AGBL4: variants seen among roughly 807,000 people sequenced by gnomAD.
The protein encoded by AGBL4 is cytosolic carboxypeptidase 6.
Under a neutral mutation model 66.4 loss-of-function variants are expected in AGBL4, and 58 were observed. The observed-to-expected ratio is 0.87, with a 90% CI of 0.71 to 1.09. The LOEUF is 1.09. Ranked by LOEUF, AGBL4 falls within the 50% of genes least tolerant of loss-of-function variation. The probability of loss-of-function intolerance (pLI) is 0.00; values close to 1 mark genes in which losing one functional copy is unlikely to be tolerated. For missense variants in AGBL4, 579 were observed against 631.0 expected, an observed-to-expected ratio of 0.92 and a Z score of 0.88; for synonymous variants, 234 against 222.9, an observed-to-expected ratio of 1.05 and a Z score of -0.44.
chr1:48,782,911 TC>T (rs1280864827), intron 6 of AGBL4, among the ~76,000 whole-genome samples: 2 of 152,210 alleles, frequency 1.3e-5, no homozygotes, highest in African/African-American at 4.8e-5. Flanking sequence ...TCCTCTGTGT[TC>T]CACCTATTTA....
chr1:48,862,691 C>G (rs1027146786), intron 6 of AGBL4, among the ~76,000 whole-genome samples: 1 of 152,202 alleles, frequency 6.6e-6, no homozygotes, highest in African/African-American at 2.4e-5. Context: ...GTGACTGAAC[C>G]TGCATTTTGG....
intron 4 of AGBL4, among the ~76,000 whole-genome samples, chr1:49,138,483 C>T (rs1557672607): frequency 1.3e-5 from 2 of 152,086 alleles, no homozygotes; most frequent in Non-Finnish European, 2.9e-5. Flanking sequence ...CCAATTTGTT[C>T]CTTAACCCAC....
intron 3 of AGBL4, among the ~76,000 whole-genome samples, chr1:49,578,096 T>C (rs1483970391): frequency 1.3e-5 from 2 of 152,140 alleles, no homozygotes; most frequent in African/African-American, 4.8e-5. Context: ...CAACAACAAT[T>C]CCATTAAACT....
chr1:49,005,546 C>T (rs933160830), intron 5 of AGBL4, among the ~76,000 whole-genome samples: 1 of 152,018 alleles, frequency 6.6e-6, no homozygotes, highest in African/African-American at 2.4e-5. Context: ...TTCAAGTAAC[C>T]CTTATTTTAC....
At position 49,296,402 on chromosome 1, in the gene AGBL4, C is replaced by A. The variant is rs192853633; in HGVS notation, c.283-50538G>T. Among the ~76,000 whole-genome samples the A allele has an allele frequency of 4.6e-5, 7 of 152,228 alleles. 1 individual carries two copies. Among genetic ancestry groups the A allele is most frequent in the Admixed American group, 3.9e-4 (6 of 15,290 alleles). On this transcript the variant is annotated intron_variant, in intron 3 of 13. Coordinates refer to ENST00000371839, the MANE Select transcript of AGBL4 (RefSeq NM_032785.4). ...GCTCATCCTCCTTGTCCCTCTACCCCAAACTCTCAAATTTAATGACTATTG... is the reference window on the plus strand; with the variant it reads ...GCTCATCCTCCTTGTCCCTCTACCCAAAACTCTCAAATTTAATGACTATTG...
chr1:48,665,061 TA>T (rs1646164967), intron 6 of AGBL4, among the ~76,000 whole-genome samples: 1 of 152,204 alleles, frequency 6.6e-6, no homozygotes, highest in South Asian at 2.1e-4. Flanking sequence ...ATATTAACCC[TA>T]TTAAACCTGG....
At chr1:48,548,878 C>T (rs1318425499) in intron 11 of AGBL4, among the ~76,000 whole-genome samples, 1 of 152,132 alleles carries the variant, frequency 6.6e-6, no homozygotes, top group African/African-American at 2.4e-5. Flanking sequence ...GGATTGAAAC[C>T]CATTGATTTA....
At chr1:49,872,998 T>C (rs1211922732) in intron 1 of AGBL4, among the ~76,000 whole-genome samples, 1 of 151,948 alleles carries the variant, frequency 6.6e-6, no homozygotes, top group Admixed American at 6.6e-5. Context: ...TCCCCTTTTT[T>C]CCCCATTTTA....
intron 3 of AGBL4, among the ~76,000 whole-genome samples, chr1:49,470,910 T>C (rs1007459309): frequency 2.0e-5 from 3 of 152,044 alleles, no homozygotes; most frequent in African/African-American, 7.2e-5. Context: ...TGTCTAACAC[T>C]ACCGGCTCAC....
chr1:48,938,428 G>A (rs1655664501), intron 5 of AGBL4, among the ~76,000 whole-genome samples: 1 of 152,192 alleles, frequency 6.6e-6, no homozygotes, highest in Admixed American at 6.5e-5. Flanking sequence ...ATAAAGGGGG[G>A]AACACAGCGT....
chr1:49,206,341 AT>A lies in AGBL4; in HGVS notation c.377+39428del, dbSNP rs1448015412. On this transcript the variant is annotated intron_variant, in intron 4 of 13. Coordinates refer to ENST00000371839, the MANE Select transcript of AGBL4 (RefSeq NM_032785.4). ...AAACAAAAACAAAACAAAACAAAAA[AT>A]AAACCCTCTAACTACTGGGATGGCC... is the stretch of plus-strand genomic sequence containing the variant. Among the ~76,000 whole-genome samples, 5 of 152,118 alleles carry A rather than the reference AT, an allele frequency of 3.3e-5. No individual in the cohort carries two copies. In the East Asian group the frequency reaches 9.7e-4, roughly 29 times the overall value.
intron 1 of AGBL4, 57 bp downstream of exon 1, chr1:50,023,706 G>T: frequency 6.6e-7 from 1 of 1,525,694 alleles, no homozygotes; most frequent in South Asian, 1.2e-5. Flanking sequence ...CCTGTTGCCT[G>T]AGACCCAGGA....
At chr1:49,732,119 C>A (rs1649502883) in intron 2 of AGBL4, among the ~76,000 whole-genome samples, 1 of 152,106 alleles carries the variant, frequency 6.6e-6, no homozygotes, top group South Asian at 2.1e-4. Flanking sequence ...AAATTACTTA[C>A]CAAAAACTGG....
intron 6 of AGBL4, chr1:48,761,249 G>A (rs1418898887): frequency 7.5e-7 from 1 of 1,335,336 alleles, no homozygotes; most frequent in African/African-American, 1.5e-5. Context: ...CATTTACATG[G>A]GGAGAGGAAG....
intron 6 of AGBL4, among the ~76,000 whole-genome samples, chr1:48,737,228 G>A (rs1357026974): frequency 1.3e-5 from 2 of 152,162 alleles, no homozygotes; most frequent in African/African-American, 4.8e-5. Context: ...AGGTTGCAGT[G>A]AGCCGAGATC....
At chr1:49,397,572 A>G (rs1214088466) in intron 3 of AGBL4, among the ~76,000 whole-genome samples, 1 of 152,230 alleles carries the variant, frequency 6.6e-6, no homozygotes, top group Non-Finnish European at 1.5e-5. Flanking sequence ...TTAGTAATCC[A>G]GAATTGAATC....
intron 4 of AGBL4, among the ~76,000 whole-genome samples, chr1:49,119,468 T>C (rs1170797985): frequency 1.3e-5 from 2 of 152,286 alleles, no homozygotes. Context: ...CAGTAGTCAT[T>C]CATGAGTACG....
intron 4 of AGBL4, among the ~76,000 whole-genome samples, chr1:49,060,095 A>G (rs1269006991): frequency 1.3e-5 from 2 of 152,012 alleles, no homozygotes; most frequent in African/African-American, 4.8e-5. Flanking sequence ...CCAAGGGAGG[A>G]ATAATGTGGT....
intron 6 of AGBL4, among the ~76,000 whole-genome samples, chr1:48,866,163 A>G (rs1233134326): frequency 6.6e-6 from 1 of 152,192 alleles, no homozygotes; most frequent in African/African-American, 2.4e-5. Context: ...TTGCTAGGAT[A>G]GTGACTACAG....
Sources: allele counts gnomAD v4.1 joint callset (sites outside exome capture counted in the v4.1 genomes callset), GRCh38; gene constraint gnomAD v4.1.1; transcripts MANE v1.5; gene names NCBI Gene and HGNC (gene_info 2026-07-23, HGNC 2026-07-21).